The following SVOPL variants were observed in gnomAD, a reference collection of about 807,000 sequenced individuals.
SVOPL encodes the protein putative transporter SVOPL.
SVOPL carries 60 observed loss-of-function variants against 61.0 expected under a neutral mutation model. The observed-to-expected ratio is 0.98, with a 90% confidence interval of 0.80 to 1.22. The LOEUF (loss-of-function observed/expected upper bound fraction) is 1.22, where lower values mean the gene tolerates loss of function less well. Ranked by LOEUF, SVOPL falls within the 50% of genes most tolerant of loss-of-function variation. The pLI, the probability that SVOPL is intolerant of heterozygous loss-of-function variation, is 0.00. For synonymous variants in SVOPL, 279 were observed against 250.0 expected (o/e 1.12, Z -1.09); for missense variants, 662 against 643.9 (o/e 1.03, Z -0.30).
At chr7:138,644,669 C>T in intron 9 of SVOPL, 48 bp downstream of exon 9, 1 of 1,600,406 alleles carries the variant, frequency 6.2e-7, no homozygotes, top group Non-Finnish European at 8.5e-7. Context: ...GAGGGGATTT[C>T]CCAGTGGCCA....
chr7:138,636,734 G>A (rs552892081), intron 9 of SVOPL, among the ~76,000 whole-genome samples: 7 of 152,104 alleles, frequency 4.6e-5, no homozygotes, highest in Non-Finnish European at 8.8e-5. Context: ...GCCTCCCAAA[G>A]TACTGGGATT....
rs1319960033 is a variant in SVOPL at position 138,628,255 on chromosome 7, C to T, written c.972G>A (p.Gly324=). 37 of 1,614,156 alleles carry T rather than the reference C, an allele frequency of 2.3e-5. No individual in the cohort carries two copies. Among genetic ancestry groups the T allele is most frequent in the Non-Finnish European group, 2.8e-5 (33 of 1,180,032 alleles). ...GGCTCTGGCTCTCCCCTGAGTCCCC[C>T]CCAGTCACCACCACCGCAGAGTCTG... ...SKSDSAVVVT[G]GDSGESQSPC... The change falls in exon 11 of 16, where the codon GGG becomes GGA. Residue 324 remains glycine, a synonymous_variant. Transcript: ENST00000674285.
At chr7:138,641,452 C>T (rs1800778202) in intron 9 of SVOPL, among the ~76,000 whole-genome samples, 1 of 151,966 alleles carries the variant, frequency 6.6e-6, no homozygotes, top group Non-Finnish European at 1.5e-5. Flanking sequence ...GGGCGGATCA[C>T]CTGAGGTCAG....
intron 7 of SVOPL, among the ~76,000 whole-genome samples, chr7:138,650,733 A>C (rs1237381658): frequency 1.5e-5 from 2 of 129,240 alleles, no homozygotes; most frequent in Non-Finnish European, 3.2e-5. Flanking sequence ...GGATCACTTG[A>C]GCCCAGGAGT....
chr7:138,699,450 GAA>G (rs1803142475), intron 1 of SVOPL, among the ~76,000 whole-genome samples: 1 of 106,730 alleles, frequency 9.4e-6, no homozygotes, highest in African/African-American at 3.8e-5. Flanking sequence ...AAGAGGGGAG[GAA>G]AAAGTCACTT....
chr7:138,639,561 A>T (rs1800675380), intron 9 of SVOPL, among the ~76,000 whole-genome samples: 1 of 151,238 alleles, frequency 6.6e-6, no homozygotes, highest in African/African-American at 2.4e-5. Context: ...TGGGAGGCAG[A>T]GGTTGCAGAG....
At chr7:138,648,737 C>T (rs997710951) in intron 8 of SVOPL, among the ~76,000 whole-genome samples, 2 of 150,982 alleles carry the variant, frequency 1.3e-5, no homozygotes, top group African/African-American at 4.9e-5. Context: ...CGGCACTGCA[C>T]TCCAGCCTGG....
intron 9 of SVOPL, among the ~76,000 whole-genome samples, chr7:138,638,202 A>AG (rs902492339): frequency 2.8e-5 from 4 of 145,278 alleles, no homozygotes; most frequent in Non-Finnish European, 5.9e-5. Flanking sequence ...GGACCCAGGA[A>AG]GGGGAGGTTT....
intron 14 of SVOPL, among the ~76,000 whole-genome samples, chr7:138,618,619 C>T (rs758430662): frequency 1.6e-4 from 24 of 152,058 alleles, no homozygotes; most frequent in African/African-American, 5.6e-4. Flanking sequence ...CAAGATCATA[C>T]CACTGCACTC....
In SVOPL at chr7:138,672,121, A is replaced by T. The variant is rs1563133038; in HGVS notation, c.175-4T>A. On this transcript the variant is annotated splice_polypyrimidine_tract_variant and splice_region_variant and intron_variant, in intron 3 of 15. Coordinates refer to ENST00000674285, the MANE Select transcript of SVOPL (RefSeq NM_001139456.2). ...TGATCTCCATGGCCTCAACCACCTT[A>T]AAGAAGAGGGACACCATGCCATGTC... The T allele has an allele frequency of 1.9e-6, 3 of 1,551,548 alleles. No homozygotes were observed. The Admixed American group carries it at 5.9e-5, about 30-fold the overall frequency.
chr7:138,625,363 C>G (rs1584797405), intron 13 of SVOPL, among the ~76,000 whole-genome samples: 1 of 152,200 alleles, frequency 6.6e-6, no homozygotes, highest in East Asian at 1.9e-4. Context: ...AGTACTGTTT[C>G]CTGTAGCTCA....
rs1369088443 is a variant in SVOPL at position 138,644,796 on chromosome 7, GC to G, written c.709del (p.Ala237LeufsTer12). The G allele has an allele frequency of 6.2e-7, 1 of 1,614,196 alleles. No individual in the cohort carries two copies. Among genetic ancestry groups the G allele is most frequent in the Non-Finnish European group, 8.5e-7 (1 of 1,180,040 alleles). ...RFNVSTGNTR[A>X]ALATLERVAK... ...AACGCGCTCCAGAGTGGCCAGGGCA[GC>G]CCGAGTGTTCCCAGTGGAGACATTG... On this transcript the variant is annotated frameshift_variant, in exon 9 of 16. Coordinates refer to ENST00000674285, the MANE Select transcript of SVOPL (RefSeq NM_001139456.2). LOFTEE classifies it high-confidence loss of function.
intron 14 of SVOPL, among the ~76,000 whole-genome samples, chr7:138,620,540 G>C (rs550366518): frequency 6.6e-6 from 1 of 150,430 alleles, no homozygotes; most frequent in African/African-American, 2.5e-5. Flanking sequence ...ACCTGCCTCT[G>C]TTGTTTCTCC....
chr7:138,656,310 TG>T, intron 7 of SVOPL, 137 bp downstream of exon 7: 1 of 835,442 alleles, frequency 1.2e-6, no homozygotes, highest in Non-Finnish European at 1.9e-6. Context: ...CCAAAAAGGT[TG>T]TGTGACTCAC....
chr7:138,693,565 G>GAAAGAAAT (rs1802997019), intron 1 of SVOPL, among the ~76,000 whole-genome samples: 1 of 95,374 alleles, frequency 1.0e-5, no homozygotes, highest in African/African-American at 6.0e-5. Context: ...AAGAAAGAAA[G>GAAAGAAAT]AAAGAAAGAA....
At chr7:138,623,977 G>A (rs576219857) in intron 13 of SVOPL, among the ~76,000 whole-genome samples, 11 of 151,998 alleles carry the variant, frequency 7.2e-5, no homozygotes, top group South Asian at 2.1e-4. Flanking sequence ...CTGCCACCAC[G>A]CCTGGATAAT....
At chr7:138,676,907 T>A (rs1456478086) in intron 3 of SVOPL, among the ~76,000 whole-genome samples, 31 of 132,206 alleles carry the variant, frequency 2.3e-4, no homozygotes, top group African/African-American at 8.8e-4. Flanking sequence ...TCCTTTTTTT[T>A]TTTTTTTTTT....
At chr7:138,626,076 T>C (rs769127157) in intron 12 of SVOPL, 26 bp from the exon 13 acceptor site, 3 of 1,612,446 alleles carry the variant, frequency 1.9e-6, no homozygotes, top group Non-Finnish European at 2.5e-6. Flanking sequence ...CGGAGAGAAA[T>C]TATAAAAGGC....
intron 14 of SVOPL, among the ~76,000 whole-genome samples, chr7:138,600,837 T>C (rs1208686395): frequency 6.6e-6 from 1 of 152,042 alleles, no homozygotes; most frequent in Admixed American, 6.5e-5. Flanking sequence ...TTGGCGAGAA[T>C]GTAGAGAAAG....
Sources: allele counts gnomAD v4.1 joint callset (sites outside exome capture counted in the v4.1 genomes callset), GRCh38; gene constraint gnomAD v4.1.1; transcripts MANE v1.5; gene names NCBI Gene and HGNC (gene_info 2026-07-23, HGNC 2026-07-21).